Variants in TTC39C observed in about 807,000 individuals in gnomAD.
TTC39C encodes the protein tetratricopeptide repeat protein 39C.
Under a neutral mutation model 76.3 loss-of-function variants are expected in TTC39C, and 33 were observed. That is an observed-to-expected ratio of 0.43 (90% CI 0.33 to 0.58). The LOEUF (loss-of-function observed/expected upper bound fraction) is 0.58. TTC39C is among the 20% of genes least tolerant of loss of function. TTC39C has a pLI of 0.04. For synonymous variants in TTC39C, 254 were observed against 260.6 expected (o/e 0.97, Z 0.24); for missense variants, 595 against 701.4 (o/e 0.85, Z 1.71).
chr18:24,094,643 C>T (rs6508146), intron 6 of TTC39C, among the ~76,000 whole-genome samples: 42,578 of 152,142 alleles, frequency 0.28, 8,622 homozygotes, highest in African/African-American at 0.55. Context: ...ACATCTCCAT[C>T]AGAGCTCTTG....
At chr18:24,081,520 ATG>A (rs2084375128) in intron 5 of TTC39C, among the ~76,000 whole-genome samples, 1 of 152,160 alleles carries the variant, frequency 6.6e-6, no homozygotes, top group Admixed American at 6.5e-5. Flanking sequence ...GTTAAAAGTG[ATG>A]TGTTTTTTGT....
intron 1 of TTC39C, among the ~76,000 whole-genome samples, chr18:24,023,980 A>T (rs1380562107): frequency 8.6e-5 from 1 of 11,578 alleles, no homozygotes; most frequent in Non-Finnish European, 2.2e-4. Context: ...ATATATATAT[A>T]CATATATATA....
chr18:24,105,941 T>A (rs1296595397), intron 6 of TTC39C, among the ~76,000 whole-genome samples: 2 of 152,190 alleles, frequency 1.3e-5, no homozygotes, highest in African/African-American at 4.8e-5. Flanking sequence ...GCTGGCAAGC[T>A]TTGCCATGTC....
chr18:24,120,046 G>A (rs981255807), intron 8 of TTC39C, among the ~76,000 whole-genome samples: 1 of 151,048 alleles, frequency 6.6e-6, no homozygotes, highest in African/African-American at 2.4e-5. Context: ...CTCTGTTCCT[G>A]CATTGGGATT....
chr18:24,077,639 C>T (rs1396487735), intron 4 of TTC39C, among the ~76,000 whole-genome samples: 1 of 152,158 alleles, frequency 6.6e-6, no homozygotes, highest in African/African-American at 2.4e-5. Flanking sequence ...CAGTGCCAGG[C>T]ACATAATAGA....
intron 1 of TTC39C, chr18:24,016,697 C>T (rs938063048): frequency 5.0e-6 from 2 of 398,452 alleles, no homozygotes; most frequent in African/African-American, 4.1e-5. Flanking sequence ...AACTCTCTCC[C>T]AGCAACAGCA....
At chr18:24,086,053 G>A (rs1210589264) in intron 6 of TTC39C, among the ~76,000 whole-genome samples, 1 of 152,168 alleles carries the variant, frequency 6.6e-6, no homozygotes, top group Non-Finnish European at 1.5e-5. Flanking sequence ...TGTTTGTAAG[G>A]CCTTGAAGGC....
At chr18:24,073,641 G>T (rs974223925) in intron 4 of TTC39C, among the ~76,000 whole-genome samples, 5 of 151,896 alleles carry the variant, frequency 3.3e-5, no homozygotes, top group Admixed American at 3.3e-4. Context: ...TCAGCCTCCT[G>T]AGTAGCTGGG....
intron 1 of TTC39C, among the ~76,000 whole-genome samples, chr18:24,020,583 A>G (rs1451217517): frequency 6.6e-6 from 1 of 152,220 alleles, no homozygotes; most frequent in Non-Finnish European, 1.5e-5. Context: ...ATGGCGCAGT[A>G]TTTGCGTATC....
chr18:24,004,982 A>C (rs1263597381), intron 1 of TTC39C, among the ~76,000 whole-genome samples: 2 of 152,226 alleles, frequency 1.3e-5, no homozygotes, highest in Non-Finnish European at 2.9e-5. Context: ...TATATGAGAT[A>C]ATGTATTTTC....
chr18:24,080,659 C>A lies in TTC39C; in HGVS notation c.535C>A (p.Leu179Ile), dbSNP rs200601152. The change falls in exon 5 of 14, where the codon CTT (leucine) becomes ATT (isoleucine). Residue 179 changes from leucine (L) to isoleucine (I), a missense_variant. Transcript: ENST00000317571. ...YNKCYLDINALQELYQKKLTE... is the reference protein window; with the variant it reads ...YNKCYLDINAIQELYQKKLTE... Reference sequence around the variant, plus strand: ...TAAATGCTATCTGGACATCAATGCCCTTCAGGAGCTGTATCAGAAGAAGCT... The same window carrying A: ...TAAATGCTATCTGGACATCAATGCCATTCAGGAGCTGTATCAGAAGAAGCT... 284 of 1,614,054 alleles carry A rather than the reference C, an allele frequency of 1.8e-4. No individual in the cohort carries two copies. The highest frequency in any genetic ancestry group is 2.3e-4 in the Non-Finnish European group (276 of 1,180,030).
At chr18:24,038,017 G>T (rs536413525) in intron 1 of TTC39C, among the ~76,000 whole-genome samples, 1 of 152,156 alleles carries the variant, frequency 6.6e-6, no homozygotes, top group Non-Finnish European at 1.5e-5. Context: ...GCTATGCTAC[G>T]CATCCTTATG....
chr18:24,032,431 T>C (rs2083682145), intron 1 of TTC39C, among the ~76,000 whole-genome samples: 1 of 152,230 alleles, frequency 6.6e-6, no homozygotes, highest in African/African-American at 2.4e-5. Flanking sequence ...TTATCCTAAA[T>C]GCTTGGGACC....
chr18:24,023,980 A>AT (rs1568408996), intron 1 of TTC39C, among the ~76,000 whole-genome samples: 39 of 11,568 alleles, frequency 3.4e-3, no homozygotes, highest in Non-Finnish European at 6.9e-3. Flanking sequence ...ATATATATAT[A>AT]CATATATATA....
At chr18:24,058,694 T>TA (rs1260854464) in intron 1 of TTC39C, among the ~76,000 whole-genome samples, 1 of 151,968 alleles carries the variant, frequency 6.6e-6, no homozygotes. Context: ...AAGTTCATAA[T>TA]AAAAAAAGTT....
chr18:24,098,664 G>A (rs1315151032), intron 6 of TTC39C, among the ~76,000 whole-genome samples: 8 of 148,194 alleles, frequency 5.4e-5, no homozygotes, highest in Non-Finnish European at 8.9e-5. Context: ...ATGGAGTCTC[G>A]CTCTATCACC....
upstream of TTC39C, among the ~76,000 whole-genome samples, chr18:24,014,081 G>A (rs896276767): frequency 3.3e-5 from 5 of 152,240 alleles, no homozygotes; most frequent in African/African-American, 1.2e-4. Flanking sequence ...TTGCAGTCCC[G>A]CAGCGCGGGG....
intron 4 of TTC39C, among the ~76,000 whole-genome samples, chr18:24,070,163 G>T (rs1468053801): frequency 6.6e-6 from 1 of 151,806 alleles, no homozygotes; most frequent in African/African-American, 2.4e-5. Flanking sequence ...AACGATGCTT[G>T]GCTTCTGTTT....
intron 6 of TTC39C, 47 bp downstream of exon 6, chr18:24,083,128 A>G: frequency 6.5e-7 from 1 of 1,537,914 alleles, no homozygotes; most frequent in Non-Finnish European, 8.8e-7. Context: ...CCGATGATCA[A>G]ATCTCTGATT....
Sources: allele counts gnomAD v4.1 joint callset (sites outside exome capture counted in the v4.1 genomes callset), GRCh38; gene constraint gnomAD v4.1.1; transcripts MANE v1.5; gene names NCBI Gene and HGNC (gene_info 2026-07-23, HGNC 2026-07-21).